TMEM109: variants seen among roughly 807,000 people sequenced by gnomAD.
TMEM109 encodes transmembrane protein 109, also known as voltage-gated monoatomic cation channel TMEM109.
In TMEM109, 19 loss-of-function variants were observed where a neutral mutation model predicts 26.4. The ratio of observed to expected loss-of-function variants is 0.72; its 90% CI spans 0.50 to 1.06. TMEM109 has a LOEUF of 1.06. TMEM109 is among the 50% of genes least tolerant of loss of function. TMEM109 has a pLI of 0.00. For missense variants in TMEM109, 262 were observed against 303.4 expected (o/e 0.86, Z 1.01); for synonymous variants, 129 against 142.0 (o/e 0.91, Z 0.65).
chr11:60,914,580 C>T lies in TMEM109; in HGVS notation c.-9+312C>T, dbSNP rs1856151721. On this transcript the variant is annotated intron_variant, in intron 1 of 3. Coordinates refer to ENST00000227525, the MANE Select transcript of TMEM109 (RefSeq NM_024092.3). ...CAGCGCCAAGCCCGAGCCCCCGAAC[C>T]CCGACCCACGGCCCAGCCTCCTGCA... Among the ~76,000 whole-genome samples the T allele has an allele frequency of 1.3e-5, 2 of 152,232 alleles. 1 individual carries two copies. Among genetic ancestry groups the T allele is most frequent in the South Asian group, 4.1e-4 (2 of 4,834 alleles).
chr11:60,921,705 A>C, intron 3 of TMEM109, 69 bp from the exon 4 acceptor site: 1 of 1,241,518 alleles, frequency 8.1e-7, no homozygotes, highest in South Asian at 1.3e-5. Flanking sequence ...CCACCCTTTT[A>C]GCTCTTGCCC....
At chr11:60,914,781 TG>T (rs1475656170) in intron 1 of TMEM109, among the ~76,000 whole-genome samples, 1 of 152,278 alleles carries the variant, frequency 6.6e-6, no homozygotes, top group Non-Finnish European at 1.5e-5. Flanking sequence ...GCAGGGAAGC[TG>T]CCCCTTTGCC....
intron 2 of TMEM109, 101 bp from the exon 3 acceptor site, chr11:60,920,785 T>C: frequency 9.3e-7 from 1 of 1,073,042 alleles, no homozygotes; most frequent in Non-Finnish European, 1.4e-6. Flanking sequence ...GAAACAGGTC[T>C]GAGACATTCC....
chr11:60,914,451 T>C (rs1856149549), intron 1 of TMEM109, among the ~76,000 whole-genome samples, 183 bp downstream of exon 1: 2 of 151,806 alleles, frequency 1.3e-5, no homozygotes, highest in African/African-American at 4.9e-5. Context: ...GGGGGCGTCG[T>C]TTCCAGGCAA....
intron 1 of TMEM109, among the ~76,000 whole-genome samples, 196 bp downstream of exon 1, chr11:60,914,464 C>G (rs912375811): frequency 6.6e-6 from 1 of 151,840 alleles, no homozygotes; most frequent in Non-Finnish European, 1.5e-5. Context: ...CCAGGCAACC[C>G]GGGAGGCGCA....
chr11:60,921,465 T>G (rs1856237529), intron 3 of TMEM109, among the ~76,000 whole-genome samples: 1 of 152,114 alleles, frequency 6.6e-6, no homozygotes, highest in African/African-American at 2.4e-5. Flanking sequence ...GTGCCAGTTG[T>G]TCACTTCCTA....
In TMEM109 at chr11:60,921,848, C is replaced by T. The variant is rs34881294; in HGVS notation, c.415C>T (p.Leu139=). ...CTTCCTGCTGTGGGGAGCAGGGGCC[C>T]TGGTCGTCTACTGGCTGCTGTCTCT... is the stretch of plus-strand genomic sequence containing the variant. ...QTFLLWGAGA[L]VVYWLLSLLL... Residue 139 remains leucine, a synonymous_variant, in exon 4 of 4, where the codon CTG becomes TTG. Transcript: ENST00000227525. 7.1e-3 allele frequency: 11,431 copies of T among 1,614,152 alleles called. 658 individuals are homozygous for T. In the African/African-American group the frequency reaches 0.13, roughly 18 times the overall value.
In TMEM109 at chr11:60,919,709, A is replaced by G. The variant is rs1417310121; in HGVS notation, c.16A>G (p.Ile6Val). The change falls in exon 2 of 4, where the codon ATC becomes GTC. Residue 6 changes from isoleucine to valine, a missense_variant. Ile to Val is a conservative substitution (Grantham distance 29, BLOSUM62 3). Transcript: ENST00000227525. The part of the protein sequence containing the change: MAASS[I>V]SSPWGKHVFK... The stretch of plus-strand genomic sequence containing the variant: ...AGACCCAGTCATGGCAGCCTCCAGC[A>G]TCAGTTCACCATGGGGAAAGCATGT... 5.0e-6 allele frequency: 8 copies of G among 1,614,102 alleles called. No individual in the cohort carries two copies. The African/African-American group carries it at 8.0e-5, about 16-fold the overall frequency.
intron 1 of TMEM109, among the ~76,000 whole-genome samples, chr11:60,915,385 T>G (rs1200539766): frequency 6.6e-6 from 1 of 152,202 alleles, no homozygotes; most frequent in Non-Finnish European, 1.5e-5. Context: ...GGGACGGAAG[T>G]CAGGGGTCCT....
chr11:60,916,214 C>T (rs574048482), intron 1 of TMEM109, among the ~76,000 whole-genome samples: 2 of 152,248 alleles, frequency 1.3e-5, no homozygotes, highest in African/African-American at 4.8e-5. Flanking sequence ...CCATACTTTT[C>T]TGAGTAAGAT....
rs772008947 is a variant in TMEM109, at chr11:60,919,777, C to T, written c.84C>T (p.Leu28=). Residue 28 remains leucine (L), a synonymous_variant, in exon 2 of 4, where the codon CTC becomes CTT. Transcript: ENST00000227525. The part of the protein sequence containing the change: ...ILMVLVALIL[L]HSALAQSRRD... ...TGGTCCTAGTGGCCCTTATCCTCCT[C>T]CACTCAGCATTGGCCCAGTCCCGTC... 2.4e-5 allele frequency: 39 copies of T among 1,614,070 alleles called. No individual in the cohort carries two copies. Among genetic ancestry groups the T allele is most frequent in the Non-Finnish European group, 3.0e-5 (35 of 1,180,030 alleles).
chr11:60,915,992 C>A (rs1856170962), intron 1 of TMEM109, among the ~76,000 whole-genome samples: 1 of 152,206 alleles, frequency 6.6e-6, no homozygotes, highest in Non-Finnish European at 1.5e-5. Flanking sequence ...GGCAGATGGT[C>A]TCCTGGTATG....
Position 60,922,177 on chromosome 11 carries a change from C to A in TMEM109, c.*12C>A. The stretch of plus-strand genomic sequence containing the variant: ...TGGAGGAGGAGTGAGCCGGATGCCC[C>A]ACACACCGCCAGTGTCATACCAAAG... On this transcript the variant is annotated 3_prime_UTR_variant, in exon 4 of 4. Transcript: ENST00000227525. The A allele has an allele frequency of 6.4e-7, 1 of 1,565,870 alleles. No homozygotes were observed.
At chr11:60,918,829 A>G (rs1856201387) in intron 1 of TMEM109, 1 of 152,162 alleles carries the variant, frequency 6.6e-6, no homozygotes, top group Non-Finnish European at 1.5e-5. Flanking sequence ...GTGGTTCTCA[A>G]CTTCATGCAG....
chr11:60,922,620 C>A lies in TMEM109; in HGVS notation c.*455C>A, dbSNP rs1856260033. ...CTTCTTGTTTTCCTCATCCTCCTAC[C>A]CTGTACTCCCACCAAACCATGGTCC... is the stretch of plus-strand genomic sequence containing the variant. On this transcript the variant is annotated 3_prime_UTR_variant, in exon 4 of 4. Coordinates refer to ENST00000227525, the MANE Select transcript of TMEM109 (RefSeq NM_024092.3). 2 of 351,950 alleles carry A rather than the reference C, an allele frequency of 5.7e-6. No individual in the cohort carries two copies. The highest frequency in any genetic ancestry group is 3.8e-5 in the Admixed American group (1 of 26,454). 21.8% of individuals were successfully genotyped at this position (351,950 alleles called of 1,614,324 possible).
In TMEM109 at chr11:60,921,905, C is replaced by A. The variant is rs758105259; in HGVS notation, c.472C>A (p.Arg158=). 3.7e-6 allele frequency: 6 copies of A among 1,614,048 alleles called. No homozygotes were observed. Among genetic ancestry groups the A allele is most frequent in the African/African-American group, 1.3e-5 (1 of 74,948 alleles). The change falls in exon 4 of 4, where the codon CGG becomes AGG. Residue 158 remains arginine (R), a synonymous_variant. Coordinates refer to ENST00000227525, the MANE Select transcript of TMEM109 (RefSeq NM_024092.3). ...LLGLVLALLG[R]ILWGLKLVIF... ...CGGCTTGGTCTTGGCCTTGCTGGGGCGGATCCTGTGGGGCCTGAAGCTTGT... is the reference window on the plus strand; with the variant it reads ...CGGCTTGGTCTTGGCCTTGCTGGGGAGGATCCTGTGGGGCCTGAAGCTTGT...
chr11:60,920,979 G>C lies in TMEM109; in HGVS notation c.331G>C (p.Gly111Arg). ...CGCCGCACAGCTGCTGAATGCCTTG[G>C]GACTAGCTGGTGAGTGTTCGAGTGC... is the stretch of plus-strand genomic sequence containing the variant. ...GIAAQLLNAL[G>R]LAGDYLAQGL... Residue 111 changes from glycine to arginine, a missense_variant, in exon 3 of 4, where the codon GGA becomes CGA. By Grantham distance (125) the Gly-to-Arg change is moderately radical. Transcript: ENST00000227525. 1 of 1,614,030 alleles carries C rather than the reference G, an allele frequency of 6.2e-7. No homozygotes were observed. The highest frequency in any genetic ancestry group is 8.5e-7 in the Non-Finnish European group (1 of 1,179,930).
intron 2 of TMEM109, among the ~76,000 whole-genome samples, 156 bp downstream of exon 2, chr11:60,920,086 C>G (rs1856218565): frequency 6.6e-6 from 1 of 152,172 alleles, no homozygotes; most frequent in Non-Finnish European, 1.5e-5. Flanking sequence ...CTTTGAATTC[C>G]TCGTTATTTG....
Position 60,919,780 on chromosome 11 carries a change from C to G in TMEM109, c.87C>G (p.His29Gln). The change falls in exon 2 of 4, where the codon CAC (histidine) becomes CAG (glutamine). Residue 29 changes from histidine to glutamine, a missense_variant. Physicochemically the swap from His to Gln is conservative, Grantham distance 24 (BLOSUM62 0). Transcript: ENST00000227525. ...LMVLVALILL[H>Q]SALAQSRRDF... ...TCCTAGTGGCCCTTATCCTCCTCCACTCAGCATTGGCCCAGTCCCGTCGAG... is the reference window on the plus strand; with the variant it reads ...TCCTAGTGGCCCTTATCCTCCTCCAGTCAGCATTGGCCCAGTCCCGTCGAG... The G allele has an allele frequency of 2.5e-6, 4 of 1,614,200 alleles. No homozygotes were observed. The highest frequency in any genetic ancestry group is 3.3e-4 in the Middle Eastern group (2 of 6,062).
Sources: allele counts gnomAD v4.1 joint callset (sites outside exome capture counted in the v4.1 genomes callset), GRCh38; gene constraint gnomAD v4.1.1; transcripts MANE v1.5; gene names NCBI Gene and HGNC (gene_info 2026-07-23, HGNC 2026-07-21).